Variants in CCDC85A observed in about 807,000 individuals in gnomAD.
CCDC85A encodes coiled-coil domain-containing protein 85A.
CCDC85A carries 38 observed loss-of-function variants against 50.2 expected under a neutral mutation model. The observed-to-expected ratio is 0.76, with a 90% CI of 0.58 to 0.99. The LOEUF (loss-of-function observed/expected upper bound fraction) is 0.99. Ranked by LOEUF, CCDC85A falls within the 50% of genes least tolerant of loss-of-function variation. The probability of loss-of-function intolerance (pLI) is 0.00; values close to 1 mark genes in which losing one functional copy is unlikely to be tolerated. For synonymous variants in CCDC85A, 366 were observed against 301.4 expected (o/e 1.21, Z -2.22); for missense variants, 820 against 742.0 (o/e 1.11, Z -1.22).
intron 2 of CCDC85A, among the ~76,000 whole-genome samples, chr2:56,316,392 G>T (rs1277164353): frequency 3.9e-5 from 6 of 151,952 alleles, no homozygotes; most frequent in Non-Finnish European, 8.8e-5. Flanking sequence ...TTTATACTGG[G>T]TCTGAGGACC....
At chr2:56,191,264 T>G (rs1267259555) in intron 1 of CCDC85A, among the ~76,000 whole-genome samples, 1 of 151,416 alleles carries the variant, frequency 6.6e-6, no homozygotes, top group Non-Finnish European at 1.5e-5. Context: ...GACGTTATGC[T>G]CTATACGTGT....
At chr2:56,269,189 C>G (rs551509396) in intron 2 of CCDC85A, among the ~76,000 whole-genome samples, 46 of 152,266 alleles carry the variant, frequency 3.0e-4, no homozygotes, top group African/African-American at 1.0e-3. Context: ...TAGGAGCATC[C>G]TCCACTAGGA....
chr2:56,292,524 G>T (rs562565744), intron 2 of CCDC85A, among the ~76,000 whole-genome samples: 1 of 152,304 alleles, frequency 6.6e-6, no homozygotes, highest in South Asian at 2.1e-4. Context: ...CTCCTGAAAA[G>T]AGGAGAATGA....
At chr2:56,336,352 C>T (rs186266975) in intron 2 of CCDC85A, among the ~76,000 whole-genome samples, 1 of 152,166 alleles carries the variant, frequency 6.6e-6, no homozygotes, top group Non-Finnish European at 1.5e-5. Flanking sequence ...CGGGGTTTCA[C>T]CATATTGTCA....
chr2:56,184,087 G>C lies in CCDC85A; in HGVS notation c.-538G>C, dbSNP rs1572988463. ...GGCAGGAGGAGCGCAGCAGCCTTCG[G>C]GCAGCCGCGGCGGCGTCGCTAGAGC... On this transcript the variant is annotated 5_prime_UTR_variant, in exon 1 of 6. Transcript: ENST00000407595. 4 of 985,448 alleles carry C rather than the reference G, an allele frequency of 4.1e-6. No homozygotes were observed. The highest frequency in any genetic ancestry group is 4.8e-6 in the Non-Finnish European group (4 of 829,988). The allele number at this position is 985,448 out of a possible 1,614,324, so 61.0% of individuals were successfully genotyped here.
chr2:56,257,820 C>T (rs1393512443), intron 2 of CCDC85A, among the ~76,000 whole-genome samples: 1 of 152,018 alleles, frequency 6.6e-6, no homozygotes, highest in African/African-American at 2.4e-5. Flanking sequence ...CCTCTCTGAA[C>T]CTGACATGGA....
At chr2:56,259,206 T>A (rs1670115627) in intron 2 of CCDC85A, among the ~76,000 whole-genome samples, 1 of 152,136 alleles carries the variant, frequency 6.6e-6, no homozygotes, top group African/African-American at 2.4e-5. Flanking sequence ...GGGAGTACAT[T>A]TTTGACACTG....
intron 3 of CCDC85A, 87 bp from the exon 4 acceptor site, chr2:56,372,257 C>T (rs1408165625): frequency 2.8e-5 from 38 of 1,345,788 alleles, no homozygotes; most frequent in Admixed American, 2.9e-5. Flanking sequence ...TGGTTCATCT[C>T]ATTAAGCTTC....
intron 2 of CCDC85A, among the ~76,000 whole-genome samples, chr2:56,213,521 C>G (rs1429718857): frequency 6.6e-6 from 1 of 151,894 alleles, no homozygotes; most frequent in East Asian, 1.9e-4. Flanking sequence ...ACCTATGTTT[C>G]AAACAAAAAC....
chr2:56,194,912 A>G (rs1019801724), intron 2 of CCDC85A, among the ~76,000 whole-genome samples: 1 of 151,160 alleles, frequency 6.6e-6, no homozygotes. Flanking sequence ...ATTCTGTACA[A>G]GAGATGCAAG....
chr2:56,358,068 G>T (rs1254916909), intron 3 of CCDC85A, among the ~76,000 whole-genome samples: 2 of 152,128 alleles, frequency 1.3e-5, no homozygotes, highest in Non-Finnish European at 2.9e-5. Context: ...CTCTGGTTTA[G>T]TATTTCTATT....
intron 2 of CCDC85A, among the ~76,000 whole-genome samples, chr2:56,256,239 G>T (rs1441405760): frequency 6.6e-6 from 1 of 152,140 alleles, no homozygotes; most frequent in Non-Finnish European, 1.5e-5. Context: ...TTGTGCATTG[G>T]CTATTATATT....
At chr2:56,343,528 C>T (rs1674479648) in intron 3 of CCDC85A, among the ~76,000 whole-genome samples, 1 of 152,126 alleles carries the variant, frequency 6.6e-6, no homozygotes, top group Admixed American at 6.5e-5. Context: ...TGTTTAATGT[C>T]TTCCCATACG....
chr2:56,293,011 T>C (rs1671786992), intron 2 of CCDC85A, among the ~76,000 whole-genome samples: 1 of 152,062 alleles, frequency 6.6e-6, no homozygotes, highest in Non-Finnish European at 1.5e-5. Flanking sequence ...CACATAGAAA[T>C]GAGAGCAGGT....
intron 2 of CCDC85A, among the ~76,000 whole-genome samples, chr2:56,342,544 C>G (rs1467318356): frequency 6.6e-6 from 1 of 152,142 alleles, no homozygotes; most frequent in African/African-American, 2.4e-5. Flanking sequence ...CCACTTCTGA[C>G]AAATATTTTC....
intron 2 of CCDC85A, among the ~76,000 whole-genome samples, chr2:56,210,405 G>A (rs971053800): frequency 2.0e-5 from 3 of 152,048 alleles, no homozygotes; most frequent in Non-Finnish European, 4.4e-5. Context: ...CTTTAGTGGA[G>A]GTGTTCTGGT....
chr2:56,332,049 T>C (rs1162338552), intron 2 of CCDC85A, among the ~76,000 whole-genome samples: 4 of 152,172 alleles, frequency 2.6e-5, no homozygotes, highest in African/African-American at 9.6e-5. Context: ...GCTCCGTCAG[T>C]ACCCCTCCAC....
intron 2 of CCDC85A, among the ~76,000 whole-genome samples, chr2:56,258,468 C>T (rs562172745): frequency 1.3e-5 from 2 of 152,254 alleles, no homozygotes; most frequent in South Asian, 2.1e-4. Flanking sequence ...CTTCATTATC[C>T]GATATGGCCT....
intron 2 of CCDC85A, among the ~76,000 whole-genome samples, chr2:56,196,400 T>C (rs1223673156): frequency 1.3e-5 from 2 of 152,244 alleles, no homozygotes. Flanking sequence ...TTATTTCATA[T>C]TTGTAAATTA....
Sources: gnomAD v4.1 joint callset for allele counts (sites outside exome capture counted in the v4.1 genomes callset) on GRCh38, gnomAD v4.1.1 for gene constraint, MANE v1.5 for transcripts, NCBI Gene and HGNC (gene_info 2026-07-23, HGNC 2026-07-21) for gene names.